The following LRSAM1 variants were observed in gnomAD, a reference collection of about 807,000 sequenced individuals.
LRSAM1 encodes E3 ubiquitin-protein ligase LRSAM1.
In LRSAM1, 96 loss-of-function variants were observed where a neutral mutation model predicts 118.1. That is an observed-to-expected ratio of 0.81 (90% CI 0.69 to 0.96). LRSAM1 has a LOEUF of 0.96. Among genes scored for constraint, LRSAM1 ranks in the 40% least tolerant of loss-of-function variants. The pLI, the probability that LRSAM1 is intolerant of heterozygous loss-of-function variation, is 0.00. For missense variants in LRSAM1, 804 were observed against 915.5 expected (o/e 0.88, Z 1.57); for synonymous variants, 322 against 364.2 (o/e 0.88, Z 1.32).
At chr9:127,494,711 A>AG (rs1191904156) in intron 21 of LRSAM1, among the ~76,000 whole-genome samples, 2 of 152,114 alleles carry the variant, frequency 1.3e-5, no homozygotes, top group Non-Finnish European at 2.9e-5. Context: ...TGGGAGGCCG[A>AG]GGTGGGCAGA....
At chr9:127,457,518 T>C (rs898447143) in intron 6 of LRSAM1, 125 bp downstream of exon 6, 7 of 891,398 alleles carry the variant, frequency 7.9e-6, no homozygotes, top group Admixed American at 2.0e-5. Flanking sequence ...CAGTCTGGGA[T>C]TTGATCAGTA....
intron 7 of LRSAM1, among the ~76,000 whole-genome samples, chr9:127,460,946 C>T (rs1293004715): frequency 6.7e-6 from 1 of 149,952 alleles, no homozygotes; most frequent in Non-Finnish European, 1.5e-5. Context: ...ACCTCTGCCT[C>T]CTGGGTTCAA....
rs1835431749 is a variant in LRSAM1 at position 127,478,935 on chromosome 9, A to G, written c.752A>G (p.Asn251Ser). 1 of 1,613,996 alleles carries G rather than the reference A, an allele frequency of 6.2e-7. No individual in the cohort carries two copies. Among genetic ancestry groups the G allele is most frequent in the African/African-American group, 1.3e-5 (1 of 74,936 alleles). Residue 251 changes from asparagine (N) to serine (S), a missense_variant and splice_region_variant, in exon 12 of 26, where the codon AAC becomes AGC. Physicochemically the swap from Asn to Ser is conservative, Grantham distance 46. Transcript: ENST00000300417. ...ACCACTGTCTTTTTTTCCTCCCAGA[A>G]CAGGTTCTCAGACTATGAGAAGAGG... The part of the protein sequence containing the change: ...RFSREELEWQ[N>S]RFSDYEKRKE...
chr9:127,496,009 T>C lies in LRSAM1; in HGVS notation c.1744T>C (p.Ser582Pro), dbSNP rs1214152036. The change falls in exon 23 of 26, where the codon TCG (serine) becomes CCG (proline). Residue 582 changes from serine to proline, a missense_variant. Ser to Pro is a moderately conservative substitution (Grantham distance 74). Transcript: ENST00000300417. ...RQLVALLEEL[S>P]AEHYLPIFAH... ...GCTGGTGGCCCTCCTGGAGGAGCTG[T>C]CGGCTGAGCACTACCTGCCCATCTT... 1 of 1,612,864 alleles carries C rather than the reference T, an allele frequency of 6.2e-7. No homozygotes were observed. Among genetic ancestry groups the C allele is most frequent in the African/African-American group, 1.3e-5 (1 of 75,070 alleles).
intron 24 of LRSAM1, among the ~76,000 whole-genome samples, chr9:127,499,259 A>G (rs1438980795): frequency 6.6e-6 from 1 of 152,030 alleles, no homozygotes; most frequent in African/African-American, 2.4e-5. Context: ...CCTTAGTTCC[A>G]GCTACTCGGG....
At chr9:127,487,279 CCT>C (rs1348767117) in intron 17 of LRSAM1, among the ~76,000 whole-genome samples, 2 of 152,128 alleles carry the variant, frequency 1.3e-5, no homozygotes, top group Non-Finnish European at 2.9e-5. Context: ...CTCCTTGCTC[CCT>C]GCCCAGGGTG....
chr9:127,458,958 AG>A, intron 6 of LRSAM1, 44 bp from the exon 7 acceptor site: 1 of 1,605,898 alleles, frequency 6.2e-7, no homozygotes. Flanking sequence ...CCGGAGTCTG[AG>A]GGACTTTCTC....
chr9:127,480,995 CTAATTTCAT>C (rs1229106533), intron 14 of LRSAM1, among the ~76,000 whole-genome samples, 179 bp from the exon 15 acceptor site: 1 of 152,000 alleles, frequency 6.6e-6, no homozygotes, highest in Admixed American at 6.6e-5. Context: ...TTTTATTCTT[CTAATTTCAT>C]AGGTGAGGAA....
chr9:127,472,197 T>C (rs954055255), intron 10 of LRSAM1, among the ~76,000 whole-genome samples: 6 of 150,876 alleles, frequency 4.0e-5, no homozygotes, highest in African/African-American at 1.2e-4. Context: ...CCTGACCTCG[T>C]GATCCACCCG....
At chr9:127,498,895 C>T (rs1836259643) in intron 24 of LRSAM1, among the ~76,000 whole-genome samples, 1 of 151,658 alleles carries the variant, frequency 6.6e-6, no homozygotes, top group South Asian at 2.1e-4. Flanking sequence ...CCTGTCTCTA[C>T]TAAAAATACA....
rs1564261088 is a variant in LRSAM1 at position 127,468,834 on chromosome 9, A to AAAC, written c.619+1006_619+1007insCAA. Among the ~76,000 whole-genome samples, 15 of 110,192 alleles carry AAAC rather than the reference A, an allele frequency of 1.4e-4. 1 individual carries two copies. The highest frequency in any genetic ancestry group is 1.9e-4 in the Non-Finnish European group (10 of 51,348). 72.3% of individuals were successfully genotyped at this position (110,192 alleles called of 152,430 possible). A position where few individuals can be genotyped will look rare whatever the true frequency, so the allele number is the denominator to read the frequency against. On this transcript the variant is annotated intron_variant, in intron 10 of 25. Transcript: ENST00000300417. ...ACAAAAAAAAAAAAAAAAAAAAAAA[A>AAAC]AAAAATCAGCCAGGCGTGGTGGCAC...
At chr9:127,457,295 G>T in intron 5 of LRSAM1, 21 bp from the exon 6 acceptor site, 1 of 1,613,680 alleles carries the variant, frequency 6.2e-7, no homozygotes. Context: ...GCCCAGCATG[G>T]CCGCACATCT....
At chr9:127,458,412 AAC>A in intron 6 of LRSAM1, among the ~76,000 whole-genome samples, 1 of 150,316 alleles carries the variant, frequency 6.7e-6, no homozygotes, top group African/African-American at 2.5e-5. Flanking sequence ...AACAAAACAA[AAC>A]AAAACAAAAA....
intron 16 of LRSAM1, among the ~76,000 whole-genome samples, chr9:127,484,312 C>T (rs1381008762): frequency 6.7e-6 from 1 of 150,290 alleles, no homozygotes; most frequent in Non-Finnish European, 1.5e-5. Context: ...ACTGGCCCAC[C>T]AGGGAAAAAT....
chr9:127,479,583 C>G (rs1388460043), intron 13 of LRSAM1, 78 bp downstream of exon 13: 3 of 1,590,526 alleles, frequency 1.9e-6, no homozygotes, highest in Non-Finnish European at 2.6e-6. Context: ...CAAGGTCCCT[C>G]GGATGTGGAA....
At chr9:127,458,741 A>G (rs1264046468) in intron 6 of LRSAM1, among the ~76,000 whole-genome samples, 2 of 152,232 alleles carry the variant, frequency 1.3e-5, no homozygotes, top group African/African-American at 4.8e-5. Context: ...TCTTTTTAAC[A>G]TATTAGTATC....
chr9:127,498,988 C>T (rs1836263578), intron 24 of LRSAM1, among the ~76,000 whole-genome samples: 1 of 150,556 alleles, frequency 6.6e-6, no homozygotes, highest in South Asian at 2.1e-4. Context: ...ACCCAGGAGG[C>T]GGAAGTTACA....
intron 24 of LRSAM1, among the ~76,000 whole-genome samples, chr9:127,499,185 C>T (rs758393258): frequency 6.6e-6 from 1 of 151,902 alleles, no homozygotes; most frequent in Non-Finnish European, 1.5e-5. Context: ...CCAGCCTGGG[C>T]GACATAGGGA....
At chr9:127,468,113 A>C (rs1465633599) in intron 10 of LRSAM1, among the ~76,000 whole-genome samples, 1 of 152,204 alleles carries the variant, frequency 6.6e-6, no homozygotes, top group African/African-American at 2.4e-5. Context: ...GTCATGGTTA[A>C]GATCTAGAAA....
Sources: gnomAD v4.1 joint callset for allele counts (sites outside exome capture counted in the v4.1 genomes callset) on GRCh38, gnomAD v4.1.1 for gene constraint, MANE v1.5 for transcripts, NCBI Gene and HGNC (gene_info 2026-07-23, HGNC 2026-07-21) for gene names.